Variants in PDE4B observed in about 807,000 individuals in gnomAD.
PDE4B encodes the protein phosphodiesterase 4B.
In PDE4B, 20 loss-of-function variants were observed where a neutral mutation model predicts 82.2. That is an observed-to-expected ratio of 0.24 (90% confidence interval 0.17 to 0.35). The LOEUF is 0.35. PDE4B is among the 10% of genes least tolerant of loss of function. The probability of loss-of-function intolerance (pLI) is 1.00; values close to 1 mark genes in which losing one functional copy is unlikely to be tolerated. For missense variants in PDE4B, 655 were observed against 907.2 expected, an observed-to-expected ratio of 0.72 and a Z score of 3.57; for synonymous variants, 320 against 318.9, an observed-to-expected ratio of 1.00 and a Z score of -0.04.
intron 3 of PDE4B, among the ~76,000 whole-genome samples, chr1:66,063,955 C>T (rs1215503033): frequency 6.6e-6 from 1 of 151,880 alleles, no homozygotes; most frequent in Non-Finnish European, 1.5e-5. Flanking sequence ...TTAGTTAGAC[C>T]TCTCACTACT....
chr1:66,329,580 C>T (rs1659965962), intron 7 of PDE4B, among the ~76,000 whole-genome samples: 1 of 152,210 alleles, frequency 6.6e-6, no homozygotes, highest in Non-Finnish European at 1.5e-5. Flanking sequence ...TTCTTCCTCA[C>T]ACTCTTTTCT....
At chr1:66,321,454 G>C (rs184356015) in intron 7 of PDE4B, among the ~76,000 whole-genome samples, 1 of 152,224 alleles carries the variant, frequency 6.6e-6, no homozygotes, top group East Asian at 1.9e-4. Context: ...TGCCATCTTA[G>C]TCCATTCTTG....
At chr1:66,189,063 A>G (rs36157667) in intron 3 of PDE4B, among the ~76,000 whole-genome samples, 113,689 of 149,752 alleles carry the variant, frequency 0.76, 43,574 homozygotes, top group Admixed American at 0.82. Flanking sequence ...TTGCTTGTCT[A>G]TAAGTATTTC....
intron 7 of PDE4B, among the ~76,000 whole-genome samples, chr1:66,283,188 T>A (rs1656416401): frequency 6.6e-6 from 1 of 152,168 alleles, no homozygotes; most frequent in Non-Finnish European, 1.5e-5. Flanking sequence ...TAATCATTTC[T>A]TAAACTTTCT....
intron 3 of PDE4B, among the ~76,000 whole-genome samples, chr1:66,101,022 C>T (rs932937775): frequency 6.6e-6 from 1 of 152,098 alleles, no homozygotes; most frequent in Non-Finnish European, 1.5e-5. Context: ...TGATGTTCCC[C>T]TTCCAGTGTC....
intron 7 of PDE4B, among the ~76,000 whole-genome samples, chr1:66,296,036 C>T (rs370375784): frequency 1.3e-5 from 2 of 152,068 alleles, no homozygotes; most frequent in African/African-American, 4.8e-5. Flanking sequence ...GTTCATCAGG[C>T]TAATGCCCGC....
chr1:66,348,686 A>G (rs1661593938), intron 8 of PDE4B, among the ~76,000 whole-genome samples: 1 of 151,660 alleles, frequency 6.6e-6, no homozygotes, highest in African/African-American at 2.4e-5. Flanking sequence ...AAAAAGATAA[A>G]GAAAATTCTT....
intron 3 of PDE4B, among the ~76,000 whole-genome samples, chr1:66,131,667 A>G (rs1645953894): frequency 7.7e-6 from 1 of 129,358 alleles, no homozygotes; most frequent in South Asian, 2.7e-4. Context: ...TGATGATTTA[A>G]CATTTTGAAC....
chr1:65,958,111 G>A (rs1395986166), intron 3 of PDE4B, among the ~76,000 whole-genome samples: 2 of 150,908 alleles, frequency 1.3e-5, no homozygotes, highest in Non-Finnish European at 3.0e-5. Context: ...TATGTCTGTT[G>A]TAGGCTTTTT....
intron 3 of PDE4B, among the ~76,000 whole-genome samples, chr1:66,111,499 A>G (rs895948172): frequency 1.3e-5 from 2 of 152,134 alleles, no homozygotes; most frequent in African/African-American, 4.8e-5. Flanking sequence ...GACACTGAAT[A>G]TAAGTAGACT....
intron 3 of PDE4B, among the ~76,000 whole-genome samples, chr1:66,073,759 C>G (rs1467078986): frequency 6.6e-6 from 1 of 152,122 alleles, no homozygotes; most frequent in Non-Finnish European, 1.5e-5. Context: ...TTCTCTGGCA[C>G]CCCTGTGGAC....
chr1:66,105,018 C>G (rs1645314966), intron 3 of PDE4B, among the ~76,000 whole-genome samples: 1 of 151,994 alleles, frequency 6.6e-6, no homozygotes, highest in Non-Finnish European at 1.5e-5. Context: ...CTTGCCCATG[C>G]CTGTGTTCTG....
intron 7 of PDE4B, among the ~76,000 whole-genome samples, chr1:66,314,031 T>A (rs935265842): frequency 6.6e-6 from 1 of 152,184 alleles, no homozygotes; most frequent in Non-Finnish European, 1.5e-5. Flanking sequence ...TTTGTGACAA[T>A]TTTGGACACA....
intron 3 of PDE4B, among the ~76,000 whole-genome samples, chr1:66,058,467 C>T (rs1323710821): frequency 6.6e-6 from 1 of 152,248 alleles, no homozygotes; most frequent in Admixed American, 6.5e-5. Context: ...CATTTCCCTT[C>T]TACACTGGCC....
At chr1:66,234,622 T>G (rs1232060856) in intron 3 of PDE4B, among the ~76,000 whole-genome samples, 2 of 152,172 alleles carry the variant, frequency 1.3e-5, no homozygotes, top group Non-Finnish European at 2.9e-5. Flanking sequence ...TTTATTATTT[T>G]TATAGTATCT....
intron 6 of PDE4B, among the ~76,000 whole-genome samples, chr1:66,258,445 G>A (rs773577728): frequency 6.6e-6 from 1 of 152,184 alleles, no homozygotes; most frequent in South Asian, 2.1e-4. Context: ...ATTCCTTGCA[G>A]TAACACTTTC....
At chr1:66,071,546 C>G (rs1227587242) in intron 3 of PDE4B, among the ~76,000 whole-genome samples, 1 of 152,056 alleles carries the variant, frequency 6.6e-6, no homozygotes, top group Non-Finnish European at 1.5e-5. Context: ...TACATCATTT[C>G]CCACCAGATA....
intron 3 of PDE4B, among the ~76,000 whole-genome samples, chr1:66,017,965 A>G (rs912757432): frequency 2.0e-5 from 3 of 152,206 alleles, no homozygotes; most frequent in Non-Finnish European, 4.4e-5. Context: ...GAAACCACTT[A>G]CAGATTGACA....
intron 3 of PDE4B, among the ~76,000 whole-genome samples, chr1:65,983,798 G>A (rs1022613949): frequency 6.8e-5 from 5 of 73,966 alleles, no homozygotes; most frequent in Non-Finnish European, 1.4e-4. Context: ...TGTTATGGAA[G>A]CCCTAATAAC....
Sources: gnomAD v4.1 joint callset for allele counts (sites outside exome capture counted in the v4.1 genomes callset) on GRCh38, gnomAD v4.1.1 for gene constraint, MANE v1.5 for transcripts, NCBI Gene and HGNC (gene_info 2026-07-23, HGNC 2026-07-21) for gene names.